COMMD10: variants seen among roughly 807,000 people sequenced by gnomAD.
COMMD10 encodes COMM domain-containing protein 10.
A neutral mutation model predicts 28.9 loss-of-function variants in COMMD10; 33 were observed. That is an observed-to-expected ratio of 1.14 (90% CI 0.87 to 1.53). COMMD10 has a LOEUF of 1.53. Ranked by LOEUF, COMMD10 falls within the 40% of genes most tolerant of loss-of-function variation. The probability of loss-of-function intolerance (pLI) is 0.00; values close to 1 mark genes in which losing one functional copy is unlikely to be tolerated. For missense variants in COMMD10, 310 were observed against 233.4 expected, an observed-to-expected ratio of 1.33 and a Z score of -2.14; for synonymous variants, 110 against 81.7, an observed-to-expected ratio of 1.35 and a Z score of -1.87.
At chr5:116,224,028 G>GT (rs998182385) in intron 5 of COMMD10, among the ~76,000 whole-genome samples, 9 of 152,066 alleles carry the variant, frequency 5.9e-5, no homozygotes, top group Admixed American at 4.6e-4. Context: ...TCTCTTTTAC[G>GT]TTTTTTAAGA....
At chr5:116,115,941 A>C (rs139476792) in intron 4 of COMMD10, among the ~76,000 whole-genome samples, 1 of 152,136 alleles carries the variant, frequency 6.6e-6, no homozygotes, top group South Asian at 2.1e-4. Flanking sequence ...TGGTTTTGTC[A>C]GGGAGTTTTA....
intron 1 of COMMD10, among the ~76,000 whole-genome samples, chr5:116,085,789 C>A (rs1448149851): frequency 2.6e-5 from 4 of 152,098 alleles, no homozygotes; most frequent in Non-Finnish European, 5.9e-5. Context: ...AGAAAAAGTA[C>A]TGAAGTATAT....
intron 5 of COMMD10, among the ~76,000 whole-genome samples, chr5:116,277,885 C>G (rs1399717399): frequency 6.6e-6 from 1 of 151,810 alleles, no homozygotes; most frequent in Non-Finnish European, 1.5e-5. Flanking sequence ...TACATAGTAG[C>G]TCCTGAAAGT....
At chr5:116,288,799 G>A (rs1437347531) in intron 5 of COMMD10, among the ~76,000 whole-genome samples, 1 of 144,016 alleles carries the variant, frequency 6.9e-6, no homozygotes, top group African/African-American at 2.5e-5. Flanking sequence ...TATAGTTTCT[G>A]TGTTTTTCTT....
intron 5 of COMMD10, among the ~76,000 whole-genome samples, chr5:116,256,961 A>G (rs1750306348): frequency 6.6e-6 from 1 of 151,784 alleles, no homozygotes; most frequent in Non-Finnish European, 1.5e-5. Flanking sequence ...TAACAGTGAA[A>G]AAAATGAGTT....
intron 5 of COMMD10, among the ~76,000 whole-genome samples, chr5:116,236,589 C>A (rs921631643): frequency 6.6e-6 from 1 of 150,916 alleles, no homozygotes; most frequent in African/African-American, 2.4e-5. Context: ...TAACTCAAGC[C>A]AATGTGAAAA....
chr5:116,234,238 C>T (rs1434170901), intron 5 of COMMD10, among the ~76,000 whole-genome samples: 2 of 152,222 alleles, frequency 1.3e-5, no homozygotes, highest in East Asian at 3.9e-4. Context: ...TGAAATTCCT[C>T]ATAGAAATAC....
intron 5 of COMMD10, among the ~76,000 whole-genome samples, chr5:116,145,678 G>T (rs1323626392): frequency 1.3e-5 from 2 of 151,884 alleles, no homozygotes; most frequent in Non-Finnish European, 2.9e-5. Context: ...ATCCCCACGT[G>T]TCAAGGGAGA....
At chr5:116,241,628 T>TTATC (rs1229248374) in intron 5 of COMMD10, among the ~76,000 whole-genome samples, 1 of 149,594 alleles carries the variant, frequency 6.7e-6, no homozygotes, top group African/African-American at 2.5e-5. Context: ...ATTTATTTAT[T>TTATC]TTGAGATGGA....
At chr5:116,092,384 C>T (rs1006934010) in intron 3 of COMMD10, among the ~76,000 whole-genome samples, 161 bp from the exon 4 acceptor site, 6 of 152,004 alleles carry the variant, frequency 3.9e-5, no homozygotes, top group Admixed American at 6.6e-5. Context: ...AGCCCTTGGT[C>T]GTGTATTTTA....
intron 5 of COMMD10, among the ~76,000 whole-genome samples, chr5:116,237,754 A>G (rs1429476043): frequency 1.3e-5 from 2 of 152,220 alleles, no homozygotes; most frequent in African/African-American, 4.8e-5. Flanking sequence ...ATTATGAGCA[A>G]AGCTCATAAA....
chr5:116,101,953 G>C (rs75258943), intron 4 of COMMD10, among the ~76,000 whole-genome samples: 1 of 152,084 alleles, frequency 6.6e-6, no homozygotes, highest in Non-Finnish European at 1.5e-5. Flanking sequence ...GTACATTCTG[G>C]ATATTGGTCC....
intron 4 of COMMD10, among the ~76,000 whole-genome samples, chr5:116,105,118 G>C (rs1036819394): frequency 6.6e-6 from 1 of 152,152 alleles, no homozygotes; most frequent in Non-Finnish European, 1.5e-5. Context: ...TTATTATTTT[G>C]AGATATGTTC....
intron 5 of COMMD10, among the ~76,000 whole-genome samples, chr5:116,177,394 C>T (rs775811616): frequency 1.3e-5 from 2 of 152,104 alleles, no homozygotes; most frequent in African/African-American, 4.8e-5. Context: ...CTTTTATTAT[C>T]TCCATCCTAA....
intron 5 of COMMD10, among the ~76,000 whole-genome samples, chr5:116,254,186 CTTTT>C (rs1280759270): frequency 6.6e-6 from 1 of 151,794 alleles, no homozygotes; most frequent in East Asian, 1.9e-4. Context: ...ATTCTTCTCT[CTTTT>C]TTTCTTTATC....
Position 116,136,195 on chromosome 5 carries a change from A to T in COMMD10, c.510+2017A>T, listed in dbSNP as rs184135965. On this transcript the variant is annotated intron_variant, in intron 5 of 6. Transcript: ENST00000274458. ...TCCCTCTCCCTTTTTTCTTGATTAT[A>T]TTTTTCACATGTATCCTTACTGGAA... Among the ~76,000 whole-genome samples the T allele has an allele frequency of 7.2e-3, 1,092 of 151,928 alleles. 5 individuals are homozygous for T. The highest frequency in any genetic ancestry group is 0.014 in the Middle Eastern group (4 of 294).
At chr5:116,219,717 A>G (rs1749196685) in intron 5 of COMMD10, among the ~76,000 whole-genome samples, 1 of 152,196 alleles carries the variant, frequency 6.6e-6, no homozygotes, top group Non-Finnish European at 1.5e-5. Context: ...AGTTTGTAGT[A>G]ATTTGTTTTC....
At chr5:116,287,298 G>T (rs371891934) in intron 5 of COMMD10, among the ~76,000 whole-genome samples, 8 of 151,626 alleles carry the variant, frequency 5.3e-5, no homozygotes, top group African/African-American at 1.7e-4. Flanking sequence ...TTATTTTCCT[G>T]GTAAATTGAC....
At chr5:116,209,694 C>G (rs886865916) in intron 5 of COMMD10, among the ~76,000 whole-genome samples, 1 of 152,060 alleles carries the variant, frequency 6.6e-6, no homozygotes, top group Non-Finnish European at 1.5e-5. Flanking sequence ...TATCTGAAGT[C>G]ATAGCGTGCT....
Sources: allele counts gnomAD v4.1 joint callset (sites outside exome capture counted in the v4.1 genomes callset), GRCh38; gene constraint gnomAD v4.1.1; transcripts MANE v1.5; gene names NCBI Gene and HGNC (gene_info 2026-07-23, HGNC 2026-07-21).